Variants in GUCY1A2 observed in about 807,000 individuals in gnomAD.
GUCY1A2 encodes the protein guanylate cyclase 1 soluble subunit alpha 2.
GUCY1A2 carries 27 observed loss-of-function variants against 63.5 expected under a neutral mutation model. The ratio of observed to expected loss-of-function variants is 0.43; its 90% CI spans 0.31 to 0.59. The LOEUF (loss-of-function observed/expected upper bound fraction) is 0.59. GUCY1A2 is among the 20% of genes least tolerant of loss of function. The pLI, the probability that GUCY1A2 is intolerant of heterozygous loss-of-function variation, is 0.11. For synonymous variants in GUCY1A2, 364 were observed against 343.5 expected (o/e 1.06, Z -0.66); for missense variants, 768 against 913.3 (o/e 0.84, Z 2.05).
At position 106,676,429 on chromosome 11, in the gene GUCY1A2, A is replaced by T. The variant is rs1256712323; in HGVS notation, c.*11120T>A. 1 of 187,242 alleles carries T rather than the reference A, an allele frequency of 5.3e-6. No individual in the cohort carries two copies. The highest frequency in any genetic ancestry group is 1.1e-5 in the Non-Finnish European group (1 of 88,778). 11.6% of individuals were successfully genotyped at this position (187,242 alleles called of 1,614,324 possible). On this transcript the variant is annotated 3_prime_UTR_variant, in exon 8 of 8. Coordinates refer to ENST00000526355, the MANE Select transcript of GUCY1A2 (RefSeq NM_000855.3). ...AAATGGCAATTTGTAAATTCTGGTGAATACTCAAAATTGTAGCTAAAAACA... is the reference window on the plus strand; with the variant it reads ...AAATGGCAATTTGTAAATTCTGGTGTATACTCAAAATTGTAGCTAAAAACA...
At chr11:106,940,461 A>G (rs971530238) in intron 3 of GUCY1A2, among the ~76,000 whole-genome samples, 7 of 152,158 alleles carry the variant, frequency 4.6e-5, no homozygotes, top group African/African-American at 1.7e-4. Flanking sequence ...TCACAGCAAA[A>G]TTGAGCAGAA....
At chr11:107,000,132 T>A (rs1861593665) in intron 1 of GUCY1A2, among the ~76,000 whole-genome samples, 1 of 152,322 alleles carries the variant, frequency 6.6e-6, no homozygotes, top group African/African-American at 2.4e-5. Flanking sequence ...GCAGGTATAC[T>A]TTTGGAGAAA....
chr11:106,745,291 A>G (rs1042457685), intron 6 of GUCY1A2, among the ~76,000 whole-genome samples: 1 of 152,194 alleles, frequency 6.6e-6, no homozygotes, highest in South Asian at 2.1e-4. Flanking sequence ...GTGTAGTGAC[A>G]TGTGTGAATG....
At chr11:106,721,136 G>A (rs139838147) in intron 6 of GUCY1A2, among the ~76,000 whole-genome samples, 10,991 of 148,870 alleles carry the variant, frequency 0.074, 1,054 homozygotes, top group African/African-American at 0.22. Context: ...TTGGCTCACC[G>A]CAGCCTCCAC....
intron 1 of GUCY1A2, among the ~76,000 whole-genome samples, chr11:106,997,473 T>A (rs553976929): frequency 6.6e-6 from 1 of 152,124 alleles, no homozygotes; most frequent in East Asian, 1.9e-4. Flanking sequence ...CCTTTATCAT[T>A]TCTAACACAG....
intron 4 of GUCY1A2, among the ~76,000 whole-genome samples, chr11:106,847,881 A>T (rs924618008): frequency 6.6e-6 from 1 of 151,644 alleles, no homozygotes; most frequent in African/African-American, 2.4e-5. Context: ...ATCTAACCCA[A>T]TGTATTAAAT....
At chr11:106,919,390 A>G (rs1860411912) in intron 4 of GUCY1A2, among the ~76,000 whole-genome samples, 1 of 152,158 alleles carries the variant, frequency 6.6e-6, no homozygotes, top group African/African-American at 2.4e-5. Context: ...CATAATAACA[A>G]AAAAAGGTAT....
In GUCY1A2 at chr11:106,714,075, T is replaced by A. The variant is rs1239048652; in HGVS notation, c.1837-5409A>T. Among the ~76,000 whole-genome samples, 10 of 151,992 alleles carry A rather than the reference T, an allele frequency of 6.6e-5. No homozygotes were observed. The East Asian group carries it at 1.9e-3, about 30-fold the overall frequency. On this transcript the variant is annotated intron_variant, in intron 6 of 7. Coordinates refer to ENST00000526355, the MANE Select transcript of GUCY1A2 (RefSeq NM_000855.3). Reference sequence around the variant, plus strand: ...CCATACCAACTATTTGAAAGGCTTATCTAGTTCTATTTCTGCCTCCTTTCA... The same window carrying A: ...CCATACCAACTATTTGAAAGGCTTAACTAGTTCTATTTCTGCCTCCTTTCA...
At chr11:106,690,106 G>C (rs1247490506) in intron 7 of GUCY1A2, among the ~76,000 whole-genome samples, 7 of 152,168 alleles carry the variant, frequency 4.6e-5, no homozygotes, top group African/African-American at 7.2e-5. Context: ...GTGGAAGACA[G>C]TGTGGAGATT....
chr11:106,887,742 G>A (rs1021839022), intron 4 of GUCY1A2, among the ~76,000 whole-genome samples: 1 of 152,176 alleles, frequency 6.6e-6, no homozygotes, highest in African/African-American at 2.4e-5. Context: ...GCTACTGGGA[G>A]AAGAAATAGG....
chr11:106,913,334 C>T (rs532287642), intron 4 of GUCY1A2, among the ~76,000 whole-genome samples: 1 of 152,190 alleles, frequency 6.6e-6, no homozygotes, highest in African/African-American at 2.4e-5. Context: ...CTGGTGAGAG[C>T]CTCAGGCTAC....
intron 4 of GUCY1A2, among the ~76,000 whole-genome samples, chr11:106,818,377 G>A (rs576583066): frequency 2.6e-5 from 4 of 152,126 alleles, no homozygotes; most frequent in African/African-American, 9.6e-5. Context: ...ATGTTACTAT[G>A]GTAATTGTTT....
chr11:106,820,736 A>C (rs1301124391), intron 4 of GUCY1A2, among the ~76,000 whole-genome samples: 2 of 152,158 alleles, frequency 1.3e-5, no homozygotes, highest in East Asian at 3.9e-4. Flanking sequence ...CTAAAGCAGA[A>C]AAGATTTGCC....
intron 4 of GUCY1A2, among the ~76,000 whole-genome samples, chr11:106,829,318 G>A (rs1447212348): frequency 6.6e-6 from 1 of 152,088 alleles, no homozygotes; most frequent in Non-Finnish European, 1.5e-5. Flanking sequence ...CCCTGATTGG[G>A]GCCTGTCTCA....
At chr11:106,770,865 T>C (rs1368559139) in intron 6 of GUCY1A2, among the ~76,000 whole-genome samples, 1 of 149,408 alleles carries the variant, frequency 6.7e-6, no homozygotes, top group Non-Finnish European at 1.5e-5. Context: ...GTGAGTCTTT[T>C]TCTCATAGCA....
chr11:106,695,302 T>A (rs1862698074), intron 7 of GUCY1A2, among the ~76,000 whole-genome samples: 1 of 152,140 alleles, frequency 6.6e-6, no homozygotes, highest in Non-Finnish European at 1.5e-5. Context: ...TCAAAAAAGA[T>A]TAATTATTAA....
chr11:106,782,117 T>C (rs73551804), intron 5 of GUCY1A2, among the ~76,000 whole-genome samples: 6,011 of 152,206 alleles, frequency 0.039, 336 homozygotes, highest in East Asian at 0.15. Flanking sequence ...CCCTGTTCCA[T>C]GGGACTGGTG....
Position 106,940,169 on chromosome 11 carries a change from A to G in GUCY1A2, c.497T>C (p.Phe166Ser). The G allele has an allele frequency of 1.3e-6, 2 of 1,513,556 alleles. No individual in the cohort carries two copies. Among genetic ancestry groups the G allele is most frequent in the Non-Finnish European group, 1.8e-6 (2 of 1,094,866 alleles). The allele number at this position is 1,513,556 out of a possible 1,614,324, so 93.8% of individuals were successfully genotyped here. ...QCTANILGLK[F>S]EEIQKRFGEE... is the part of the protein sequence containing the mutation. ...ACCAAATCTTTTTTGAATTTCCTCA[A>G]ACTTCAAACCTAGAGGTAAATGGGA... Residue 166 changes from phenylalanine (F) to serine (S), a missense_variant, in exon 4 of 8, where the codon TTT becomes TCT. Transcript: ENST00000526355.
chr11:106,871,084 A>T (rs1859670969), intron 4 of GUCY1A2, among the ~76,000 whole-genome samples: 1 of 152,138 alleles, frequency 6.6e-6, no homozygotes, highest in African/African-American at 2.4e-5. Flanking sequence ...AACAATTTTA[A>T]ATGAGTACAC....
Sources: allele counts gnomAD v4.1 joint callset (sites outside exome capture counted in the v4.1 genomes callset), GRCh38; gene constraint gnomAD v4.1.1; transcripts MANE v1.5; gene names NCBI Gene and HGNC (gene_info 2026-07-23, HGNC 2026-07-21).